Variants in SLC4A7 observed in about 807,000 individuals in gnomAD.
SLC4A7 encodes the protein sodium bicarbonate cotransporter 3.
A neutral mutation model predicts 137.6 loss-of-function variants in SLC4A7; 51 were observed. The ratio of observed to expected loss-of-function variants is 0.37; its 90% confidence interval spans 0.30 to 0.47. The LOEUF (loss-of-function observed/expected upper bound fraction) is 0.47. Ranked by LOEUF, SLC4A7 falls within the 20% of genes least tolerant of loss-of-function variation. SLC4A7 has a pLI of 1.00. For missense variants in SLC4A7, 1,247 were observed against 1,525.4 expected (o/e 0.82, Z 3.04); for synonymous variants, 542 against 518.6 (o/e 1.05, Z -0.61).
intron 22 of SLC4A7, among the ~76,000 whole-genome samples, chr3:27,388,291 A>G (rs931275239): frequency 6.6e-6 from 1 of 152,182 alleles, no homozygotes; most frequent in African/African-American, 2.4e-5. Flanking sequence ...TTCTGCATTT[A>G]TATTAGTAAG....
chr3:27,437,887 TAGAAC>T (rs1329732190), intron 3 of SLC4A7, among the ~76,000 whole-genome samples: 1 of 152,138 alleles, frequency 6.6e-6, no homozygotes, highest in Non-Finnish European at 1.5e-5. Context: ...ATGGAAAAGT[TAGAAC>T]AGAACATTTA....
intron 20 of SLC4A7, among the ~76,000 whole-genome samples, chr3:27,393,475 T>C (rs2051803220): frequency 6.6e-6 from 1 of 152,172 alleles, no homozygotes; most frequent in Non-Finnish European, 1.5e-5. Context: ...GTAAAAAGAA[T>C]TTATCAATAC....
intron 13 of SLC4A7, among the ~76,000 whole-genome samples, chr3:27,408,683 G>C (rs182060982): frequency 6.6e-6 from 1 of 152,038 alleles, no homozygotes; most frequent in Non-Finnish European, 1.5e-5. Flanking sequence ...CAACAACAAA[G>C]AAATGCCTTT....
chr3:27,421,341 T>C (rs969899690), intron 9 of SLC4A7, among the ~76,000 whole-genome samples: 1 of 151,694 alleles, frequency 6.6e-6, no homozygotes, highest in Non-Finnish European at 1.5e-5. Context: ...ACTACAAATA[T>C]AAAACTTAGC....
intron 1 of SLC4A7, among the ~76,000 whole-genome samples, chr3:27,474,403 G>A (rs147785029): frequency 1.3e-5 from 2 of 152,302 alleles, no homozygotes; most frequent in Non-Finnish European, 2.9e-5. Context: ...CTTAAAAGGA[G>A]AGATATATCA....
chr3:27,482,544 G>C (rs944343166), intron 1 of SLC4A7, among the ~76,000 whole-genome samples: 1 of 152,190 alleles, frequency 6.6e-6, no homozygotes, highest in African/African-American at 2.4e-5. Flanking sequence ...GCCGAGGCGG[G>C]TGGATTGCCT....
At chr3:27,382,077 GA>G (rs1559618349) in intron 24 of SLC4A7, among the ~76,000 whole-genome samples, 3 of 151,620 alleles carry the variant, frequency 2.0e-5, no homozygotes, top group African/African-American at 7.3e-5. Context: ...CAAAAAAAAA[GA>G]AAAAAAATAC....
chr3:27,422,680 C>T (rs1351888303), intron 8 of SLC4A7: 1 of 418,976 alleles, frequency 2.4e-6, no homozygotes. Context: ...AAAGGTTACA[C>T]ATGATACCAA....
intron 1 of SLC4A7, among the ~76,000 whole-genome samples, chr3:27,480,932 T>G (rs2059681214): frequency 6.6e-6 from 1 of 152,178 alleles, no homozygotes; most frequent in African/African-American, 2.4e-5. Context: ...CTACCTTGTT[T>G]GACTATATCC....
chr3:27,399,162 C>T (rs544831420), intron 16 of SLC4A7, among the ~76,000 whole-genome samples: 8 of 152,270 alleles, frequency 5.3e-5, no homozygotes, highest in African/African-American at 1.9e-4. Flanking sequence ...ATTATTTTCA[C>T]ATGCCATGTG....
At chr3:27,475,424 C>T (rs186346912) in intron 1 of SLC4A7, among the ~76,000 whole-genome samples, 1 of 151,624 alleles carries the variant, frequency 6.6e-6, no homozygotes, top group Admixed American at 6.6e-5. Flanking sequence ...CCAAAGCCAC[C>T]TAAGTGGCAT....
chr3:27,406,826 G>A (rs1375760152), intron 13 of SLC4A7, among the ~76,000 whole-genome samples: 2 of 152,072 alleles, frequency 1.3e-5, no homozygotes, highest in Admixed American at 6.6e-5. Flanking sequence ...CAGCTACTCC[G>A]GAGGTTATGA....
chr3:27,433,919 T>C lies in SLC4A7; in HGVS notation c.775A>G (p.Asn259Asp), dbSNP rs1484571885. The C allele has an allele frequency of 6.2e-7, 1 of 1,613,596 alleles. No individual in the cohort carries two copies. The highest frequency in any genetic ancestry group is 8.5e-7 in the Non-Finnish European group (1 of 1,179,746). Residue 259 changes from asparagine to aspartate, a missense_variant, in exon 6 of 26, where the codon AAT becomes GAT. Coordinates refer to ENST00000454389, the MANE Select transcript of SLC4A7 (RefSeq NM_001321103.2). ...TGGATGCCACAACTTATCTCACCAT[T>C]CCTTTCAAGCAAGTGAGGGTCAGAA... ...KHSDPHLLERNGEGLSASRHS... is the reference protein window; with the variant it reads ...KHSDPHLLERDGEGLSASRHS...
intron 1 of SLC4A7, among the ~76,000 whole-genome samples, chr3:27,469,920 G>A (rs2059165748): frequency 6.6e-6 from 1 of 152,188 alleles, no homozygotes; most frequent in Non-Finnish European, 1.5e-5. Context: ...AGAAGTAGCT[G>A]TAACAAAATA....
chr3:27,374,849 TAGC>T lies in SLC4A7; in HGVS notation c.*1912_*1914del, dbSNP rs983683375. The T allele has an allele frequency of 8.5e-5, 13 of 152,546 alleles. No homozygotes were observed. The highest frequency in any genetic ancestry group is 3.1e-4 in the African/African-American group (13 of 41,556). The allele number at this position is 152,546 out of a possible 1,614,324, so 9.4% of individuals were successfully genotyped here. ...AGGTACATCAGGGGAGTTTTAAAAA[TAGC>T]AGCAAATACTGGGGTCTTTGGAAAT... On this transcript the variant is annotated 3_prime_UTR_variant, in exon 26 of 26. Coordinates refer to ENST00000454389, the MANE Select transcript of SLC4A7 (RefSeq NM_001321103.2).
rs2150156816 is a variant in SLC4A7, at chr3:27,403,183, A to G, written c.2277T>C (p.Tyr759=). 6.2e-7 allele frequency: 1 copy of G among 1,613,642 alleles called. No individual in the cohort carries two copies. The highest frequency in any genetic ancestry group is 8.5e-7 in the Non-Finnish European group (1 of 1,179,796). ...LEKLFDLGET[Y]AFNMHNNLDK... ...CTAAGTTGTTGTGCATATTAAATGCATATGTTTCTCCTAAATCAAAGAGCT... is the reference window on the plus strand; with the variant it reads ...CTAAGTTGTTGTGCATATTAAATGCGTATGTTTCTCCTAAATCAAAGAGCT... Residue 759 remains tyrosine, a synonymous_variant, in exon 15 of 26, where the codon TAT becomes TAC. Transcript: ENST00000454389.
At chr3:27,427,164 G>A (rs551260386) in intron 7 of SLC4A7, among the ~76,000 whole-genome samples, 20 of 152,192 alleles carry the variant, frequency 1.3e-4, no homozygotes, top group East Asian at 7.7e-4. Context: ...GCTAGCCAAG[G>A]ATATTGCTAA....
intron 1 of SLC4A7, among the ~76,000 whole-genome samples, chr3:27,476,899 A>G (rs1440008252): frequency 6.6e-6 from 1 of 152,186 alleles, no homozygotes; most frequent in African/African-American, 2.4e-5. Flanking sequence ...TTGAACAAAT[A>G]TATTTGTTCA....
chr3:27,397,316 T>C (rs1223915972), intron 18 of SLC4A7, among the ~76,000 whole-genome samples: 1 of 152,140 alleles, frequency 6.6e-6, no homozygotes, highest in African/African-American at 2.4e-5. Flanking sequence ...GCACCTGGCC[T>C]GGGTTACTTC....
Sources: gnomAD v4.1 joint callset for allele counts (sites outside exome capture counted in the v4.1 genomes callset) on GRCh38, gnomAD v4.1.1 for gene constraint, MANE v1.5 for transcripts, NCBI Gene and HGNC (gene_info 2026-07-23, HGNC 2026-07-21) for gene names.